LAPTM4B: variants seen among roughly 807,000 people sequenced by gnomAD.
The protein encoded by LAPTM4B is lysosomal-associated transmembrane protein 4B.
LAPTM4B carries 26 observed loss-of-function variants against 28.5 expected under a neutral mutation model. The ratio of observed to expected loss-of-function variants is 0.91; its 90% CI spans 0.67 to 1.27. The LOEUF (loss-of-function observed/expected upper bound fraction) is 1.27, where lower values mean the gene tolerates loss of function less well. LAPTM4B is among the 50% of genes most tolerant of loss of function. The pLI, the probability that LAPTM4B is intolerant of heterozygous loss-of-function variation, is 0.00. For missense variants in LAPTM4B, 288 were observed against 285.8 expected (o/e 1.01, Z -0.06); for synonymous variants, 109 against 106.4 (o/e 1.02, Z -0.15).
At chr8:97,797,847 T>G (rs1361246923) in intron 1 of LAPTM4B, among the ~76,000 whole-genome samples, 1 of 152,200 alleles carries the variant, frequency 6.6e-6, no homozygotes, top group African/African-American at 2.4e-5. Flanking sequence ...TAACACCACT[T>G]TAGAAATTGG....
At position 97,849,673 on chromosome 8, in the gene LAPTM4B, C is replaced by G. The variant is rs559653229; in HGVS notation, c.604-1724C>G. Among the ~76,000 whole-genome samples, 8 of 152,330 alleles carry G rather than the reference C, an allele frequency of 5.3e-5. No homozygotes were observed. The South Asian group carries it at 1.4e-3, about 28-fold the overall frequency. On this transcript the variant is annotated intron_variant, in intron 6 of 6. Coordinates refer to ENST00000521545, the MANE Select transcript of LAPTM4B (RefSeq NM_018407.6). ...TTGCTGGCCAGTTATCGGCTTCTTG[C>G]ATCACAGCTCCAGAGTCCCATTTAG...
intron 1 of LAPTM4B, among the ~76,000 whole-genome samples, chr8:97,786,832 G>A (rs1475042835): frequency 6.6e-6 from 1 of 152,170 alleles, no homozygotes; most frequent in Non-Finnish European, 1.5e-5. Flanking sequence ...ACTAACAGTA[G>A]TGGGCCTGGG....
chr8:97,787,836 A>G (rs1304006641), intron 1 of LAPTM4B, among the ~76,000 whole-genome samples: 1 of 151,510 alleles, frequency 6.6e-6, no homozygotes, highest in Non-Finnish European at 1.5e-5. Context: ...AAAATGATTT[A>G]TTTATTTATT....
intron 1 of LAPTM4B, among the ~76,000 whole-genome samples, chr8:97,798,398 C>T (rs529694107): frequency 6.6e-6 from 1 of 152,126 alleles, no homozygotes; most frequent in South Asian, 2.1e-4. Flanking sequence ...TGGTGGTTCA[C>T]AGACCTTCTT....
chr8:97,787,249 G>A (rs1292164570), intron 1 of LAPTM4B, among the ~76,000 whole-genome samples: 3 of 151,328 alleles, frequency 2.0e-5, no homozygotes, highest in East Asian at 3.9e-4. Context: ...AACAAGACAT[G>A]TGACTTAGCT....
At chr8:97,836,262 C>A (rs551822155) in intron 6 of LAPTM4B, among the ~76,000 whole-genome samples, 1 of 152,164 alleles carries the variant, frequency 6.6e-6, no homozygotes, top group Non-Finnish European at 1.5e-5. Context: ...CTCACTGCAA[C>A]CTCCACCCCC....
At chr8:97,813,006 G>A (rs62524085) in intron 2 of LAPTM4B, among the ~76,000 whole-genome samples, 68,673 of 152,080 alleles carry the variant, frequency 0.45, 15,981 homozygotes, top group East Asian at 0.57. Context: ...AGCTCTGCTA[G>A]TGTCTTACTG....
rs532220760 is a variant in LAPTM4B at position 97,819,727 on chromosome 8, CTTTTTTTTTTTTTTT to C, written c.507+500_507+514del. On this transcript the variant is annotated intron_variant, in intron 5 of 6. Transcript: ENST00000521545. ...ATGCATTTATCTCAAGATAAATTTC[CTTTTTTTTTTTTTTT>C]TTTTTTTTTTGAGATGGAGTCTCGC... is the stretch of plus-strand genomic sequence containing the variant. Among the ~76,000 whole-genome samples, 6 of 78,580 alleles carry C rather than the reference CTTTTTTTTTTTTTTT, an allele frequency of 7.6e-5. No individual in the cohort carries two copies. In the South Asian group the frequency reaches 1.9e-3, roughly 24 times the overall value. 51.6% of individuals were successfully genotyped at this position (78,580 alleles called of 152,430 possible). A position where few individuals can be genotyped will look rare whatever the true frequency, so the allele number is the denominator to read the frequency against.
intron 5 of LAPTM4B, among the ~76,000 whole-genome samples, chr8:97,823,536 G>A (rs188171986): frequency 2.0e-5 from 3 of 150,818 alleles, no homozygotes; most frequent in East Asian, 2.0e-4. Context: ...CCCAATGCCC[G>A]GCTAATTTTT....
At chr8:97,797,334 T>C (rs996517407) in intron 1 of LAPTM4B, among the ~76,000 whole-genome samples, 3 of 152,054 alleles carry the variant, frequency 2.0e-5, no homozygotes, top group Non-Finnish European at 4.4e-5. Flanking sequence ...GGTTTCTCCA[T>C]GTTGGTTAGC....
intron 5 of LAPTM4B, among the ~76,000 whole-genome samples, chr8:97,823,281 G>T (rs1321833696): frequency 3.3e-5 from 5 of 151,978 alleles, no homozygotes; most frequent in African/African-American, 9.7e-5. Context: ...ATGTGGCCTT[G>T]CAAAGGCCCT....
At position 97,825,120 on chromosome 8, in the gene LAPTM4B, T is replaced by C. The variant is rs1817073298; in HGVS notation, c.570T>C (p.Asp190=). The C allele has an allele frequency of 6.2e-7, 1 of 1,610,498 alleles. No individual in the cohort carries two copies. The highest frequency in any genetic ancestry group is 1.7e-5 in the Admixed American group (1 of 59,988). ...ACATCAATGGTAGGAACTCCTCTGA[T>C]GTCCTGGTTTATGTTACCAGCAATG... The part of the protein sequence containing the change: ...YRYINGRNSS[D]VLVYVTSNDT... Residue 190 remains aspartate, a synonymous_variant, in exon 6 of 7, where the codon GAT becomes GAC. Coordinates refer to ENST00000521545, the MANE Select transcript of LAPTM4B (RefSeq NM_018407.6).
In LAPTM4B at chr8:97,781,278, C is replaced by CTTTTTTTTTTT. The variant is rs71271147; in HGVS notation, c.99+5181_99+5191dup. On this transcript the variant is annotated intron_variant, in intron 1 of 6. Transcript: ENST00000521545. ...ACAGGCGTGAGCCACTGTGCCCGGC[C>CTTTTTTTTTTT]TTTTTTTTTTTTTTTTTTTTTGAGG... Among the ~76,000 whole-genome samples the CTTTTTTTTTTT allele has an allele frequency of 6.9e-4, 35 of 50,840 alleles. 4 individuals are homozygous for CTTTTTTTTTTT. Among genetic ancestry groups the CTTTTTTTTTTT allele is most frequent in the African/African-American group, 2.2e-3 (20 of 9,048 alleles). 33.4% of individuals were successfully genotyped at this position (50,840 alleles called of 152,430 possible).
chr8:97,805,324 C>CTTTTTTTTTTTTTTTTTTTTT (rs386413439), intron 1 of LAPTM4B, 29 bp from the exon 2 acceptor site: 6 of 843,616 alleles, frequency 7.1e-6, no homozygotes, highest in Non-Finnish European at 1.1e-5. Flanking sequence ...TACTTAAATT[C>CTTTTTTTTTTTTTTTTTTTTT]TTTTTTTTTT....
chr8:97,828,974 A>G (rs1325092645), intron 6 of LAPTM4B, among the ~76,000 whole-genome samples: 6 of 152,164 alleles, frequency 3.9e-5, no homozygotes, highest in Non-Finnish European at 2.9e-5. Flanking sequence ...TTTAAAGTGC[A>G]GGTGCCTGTC....
chr8:97,800,685 G>A lies in LAPTM4B; in HGVS notation c.100-4668G>A, dbSNP rs1037612229. Among the ~76,000 whole-genome samples, 19 of 151,544 alleles carry A rather than the reference G, an allele frequency of 1.3e-4. 1 individual carries two copies. Among genetic ancestry groups the A allele is most frequent in the Non-Finnish European group, 1.5e-5 (1 of 67,910 alleles). Reference sequence around the variant, plus strand: ...CTAATTTTGTATTTTTAGTGGAGACGGGGTTTCTTCATGTTGGTCAGGCTC... The same window carrying A: ...CTAATTTTGTATTTTTAGTGGAGACAGGGTTTCTTCATGTTGGTCAGGCTC... On this transcript the variant is annotated intron_variant, in intron 1 of 6. Transcript: ENST00000521545.
intron 4 of LAPTM4B, among the ~76,000 whole-genome samples, chr8:97,816,415 A>G (rs1003938288): frequency 6.6e-6 from 1 of 151,830 alleles, no homozygotes; most frequent in East Asian, 1.9e-4. Context: ...CCAGGGTCTC[A>G]GCCTCCCAGC....
At chr8:97,794,874 C>T (rs573495597) in intron 1 of LAPTM4B, among the ~76,000 whole-genome samples, 14 of 152,198 alleles carry the variant, frequency 9.2e-5, no homozygotes, top group Admixed American at 2.6e-4. Context: ...CCACCATGCC[C>T]GGCTAATTTT....
intron 1 of LAPTM4B, among the ~76,000 whole-genome samples, chr8:97,782,279 C>CTTTTTTTTT (rs34322160): frequency 6.0e-5 from 3 of 50,254 alleles, no homozygotes; most frequent in African/African-American, 1.4e-4. Context: ...CCATGCCCAG[C>CTTTTTTTTT]TTTTTTTTTT....
Sources: gnomAD v4.1 joint callset for allele counts (sites outside exome capture counted in the v4.1 genomes callset) on GRCh38, gnomAD v4.1.1 for gene constraint, MANE v1.5 for transcripts, NCBI Gene and HGNC (gene_info 2026-07-23, HGNC 2026-07-21) for gene names.